CAST: variants seen among roughly 807,000 people sequenced by gnomAD.
The protein encoded by CAST is MIR583 host.
In CAST, 76 loss-of-function variants were observed where a neutral mutation model predicts 119.6. The ratio of observed to expected loss-of-function variants is 0.64; its 90% CI spans 0.53 to 0.77. CAST has a LOEUF of 0.77. Among genes scored for constraint, CAST ranks in the 30% least tolerant of loss-of-function variants. The pLI is 0.00. For missense variants in CAST, 953 were observed against 946.5 expected (o/e 1.01, Z -0.09); for synonymous variants, 319 against 331.6 (o/e 0.96, Z 0.41).
chr5:96,408,334 TC>T, the CAST span: 3 of 1,606,530 alleles, frequency 1.9e-6, no homozygotes, highest in Non-Finnish European at 2.6e-6. Flanking sequence ...CTGGATGACG[TC>T]AGGAAGGAGA....
chr5:96,106,133 T>A, the CAST span, among the ~76,000 whole-genome samples: 9 of 152,218 alleles, frequency 5.9e-5, no homozygotes, highest in African/African-American at 2.2e-4. Flanking sequence ...CTTTTTTTCT[T>A]TATTAGTCTT....
At chr5:96,075,538 T>C in the CAST span, among the ~76,000 whole-genome samples, 2 of 152,310 alleles carry the variant, frequency 1.3e-5, no homozygotes, top group Admixed American at 6.5e-5. Flanking sequence ...AGTTCAGCTT[T>C]CGTTCTACTT....
chr5:96,438,792 T>G, the CAST span, among the ~76,000 whole-genome samples: 2 of 152,172 alleles, frequency 1.3e-5, no homozygotes, highest in African/African-American at 4.8e-5. Flanking sequence ...GTGTAAAAAT[T>G]ATTGACAAAC....
the CAST span, among the ~76,000 whole-genome samples, chr5:96,301,196 A>G: frequency 1.3e-5 from 2 of 152,278 alleles, no homozygotes; most frequent in African/African-American, 4.8e-5. Flanking sequence ...CAAAGGGGGA[A>G]GTGCCACACA....
At chr5:96,297,248 C>G in the CAST span, among the ~76,000 whole-genome samples, 2 of 152,248 alleles carry the variant, frequency 1.3e-5, no homozygotes, top group East Asian at 3.9e-4. Context: ...TTGTCCTTTC[C>G]AGGAGAATGT....
At chr5:96,397,582 T>C in the CAST span, 2 of 983,706 alleles carry the variant, frequency 2.0e-6, no homozygotes, top group Non-Finnish European at 3.2e-6. Flanking sequence ...CCTAATTTTC[T>C]CTTTTAGTAT....
chr5:96,133,658 T>C, the CAST span, among the ~76,000 whole-genome samples: 1 of 152,228 alleles, frequency 6.6e-6, no homozygotes, highest in Non-Finnish European at 1.5e-5. Context: ...AAATCTTCAT[T>C]ACAAATTTTT....
the CAST span, among the ~76,000 whole-genome samples, chr5:96,166,421 C>T: frequency 3.3e-5 from 5 of 152,120 alleles, no homozygotes; most frequent in Non-Finnish European, 7.3e-5. Context: ...CCTACTTCAG[C>T]ACACCAATGC....
At chr5:96,188,779 G>T in the CAST span, among the ~76,000 whole-genome samples, 7 of 152,192 alleles carry the variant, frequency 4.6e-5, no homozygotes, top group African/African-American at 1.7e-4. Context: ...GAGTACTGTG[G>T]AGTTGAAGAA....
At chr5:96,453,490 T>A in the CAST span, among the ~76,000 whole-genome samples, 1 of 152,152 alleles carries the variant, frequency 6.6e-6, no homozygotes, top group Non-Finnish European at 1.5e-5. Flanking sequence ...TGGACTAATA[T>A]AAAAAAGAAA....
the CAST span, among the ~76,000 whole-genome samples, chr5:96,459,961 C>G: frequency 3.3e-5 from 5 of 152,114 alleles, no homozygotes; most frequent in Admixed American, 2.0e-4. Flanking sequence ...ACGGTACAAA[C>G]AGGAAGCAGT....
the CAST span, chr5:95,980,629 A>G: frequency 3.3e-5 from 5 of 152,106 alleles, no homozygotes; most frequent in South Asian, 1.0e-3. Context: ...TTAATGTTGC[A>G]CATTCTTAGG....
At chr5:96,270,396 A>G in the CAST span, among the ~76,000 whole-genome samples, 2 of 152,148 alleles carry the variant, frequency 1.3e-5, no homozygotes, top group African/African-American at 4.8e-5. Flanking sequence ...GGCCACAGCA[A>G]TTATGCAAGA....
chr5:96,618,678 C>T lies in CAST; in HGVS notation c.61-56861C>T, dbSNP rs577891062. On this transcript the variant is annotated intron_variant, in intron 1 of 11. Transcript: ENST00000505143. ...AGCTGTGGAGGGTGCGCTGGGTCCC[C>T]CAGCAGTGCCGGCTCACTGACGCCA... Among the ~76,000 whole-genome samples, 4 of 152,344 alleles carry T rather than the reference C, an allele frequency of 2.6e-5. No homozygotes were observed. In the South Asian group the frequency reaches 8.3e-4, roughly 32 times the overall value.
At chr5:96,760,029 T>A (rs911093011) in intron 24 of CAST, among the ~76,000 whole-genome samples, 6 of 152,074 alleles carry the variant, frequency 3.9e-5, no homozygotes, top group African/African-American at 1.4e-4. Context: ...TTTCAAACTG[T>A]CCTTCTACTG....
chr5:96,696,066 A>T, intron 3 of CAST, 159 bp downstream of exon 3: 1 of 420,466 alleles, frequency 2.4e-6, no homozygotes. Context: ...TAATTTCTTA[A>T]TAATGATGTG....
chr5:96,098,644 C>T, the CAST span, among the ~76,000 whole-genome samples: 5 of 152,122 alleles, frequency 3.3e-5, no homozygotes, highest in African/African-American at 1.2e-4. Flanking sequence ...GGTGTGTGGT[C>T]TTATTTCTGG....
chr5:96,387,584 T>C, the CAST span, among the ~76,000 whole-genome samples: 1 of 152,190 alleles, frequency 6.6e-6, no homozygotes, highest in African/African-American at 2.4e-5. Flanking sequence ...TACTATTCAG[T>C]AAGCATTTTC....
At chr5:96,465,784 A>T in the CAST span, among the ~76,000 whole-genome samples, 179 of 152,236 alleles carry the variant, frequency 1.2e-3, 1 homozygote, top group African/African-American at 4.2e-3. Context: ...TGGATATGGA[A>T]TTTCTCAAGA....
Sources: gnomAD v4.1 joint callset for allele counts (sites outside exome capture counted in the v4.1 genomes callset) on GRCh38, gnomAD v4.1.1 for gene constraint, MANE v1.5 for transcripts, NCBI Gene and HGNC (gene_info 2026-07-23, HGNC 2026-07-21) for gene names.